Variants in NCAPD3 observed in about 807,000 individuals in gnomAD.
The protein encoded by NCAPD3 is condensin-2 complex subunit D3.
A neutral mutation model predicts 182.9 loss-of-function variants in NCAPD3; 105 were observed. The ratio of observed to expected loss-of-function variants is 0.57; its 90% CI spans 0.49 to 0.68. The LOEUF (loss-of-function observed/expected upper bound fraction) is 0.68, where lower values mean the gene tolerates loss of function less well. Ranked by LOEUF, NCAPD3 falls within the 30% of genes least tolerant of loss-of-function variation. NCAPD3 has a pLI of 0.00. For synonymous variants in NCAPD3, 815 were observed against 679.9 expected, an observed-to-expected ratio of 1.20 and a Z score of -3.09; for missense variants, 1,944 against 1,837.0, an observed-to-expected ratio of 1.06 and a Z score of -1.07.
intron 31 of NCAPD3, 130 bp from the exon 32 acceptor site, chr11:134,157,225 G>A (rs1943447223): frequency 1.6e-6 from 1 of 620,970 alleles, no homozygotes; most frequent in Non-Finnish European, 2.7e-6. Flanking sequence ...TTCTTATAAA[G>A]AGGCAATTCA....
rs955559174 is a variant in NCAPD3, at chr11:134,209,373, T to TA, written c.671dup (p.Leu224PhefsTer28). 1.2e-6 allele frequency: 2 copies of TA among 1,614,122 alleles called. No homozygotes were observed. Among genetic ancestry groups the TA allele is most frequent in the Admixed American group, 1.7e-5 (1 of 60,030 alleles). On this transcript the variant is annotated frameshift_variant, in exon 5 of 35. Coordinates refer to ENST00000534548, the MANE Select transcript of NCAPD3 (RefSeq NM_015261.3). LOFTEE classifies it high-confidence loss of function. The stretch of plus-strand genomic sequence containing the variant: ...TCAAGGAAAACTTTGGCAGAAGCCT[T>TA]AAAAAATTCTTTAAAAGGTGAAAGA...
Position 134,167,971 on chromosome 11 carries a change from G to A in NCAPD3, c.3573+25C>T, listed in dbSNP as rs183044722. 11,612 of 1,607,224 alleles carry A rather than the reference G, an allele frequency of 7.2e-3. 63 individuals are homozygous for A. Among genetic ancestry groups the A allele is most frequent in the Non-Finnish European group, 8.9e-3 (10,496 of 1,174,980 alleles). ...GCAGCACACTCACTTGTGAGAAGATGATCTTAGGGGAGCAACACACTCACT... is the reference window on the plus strand; with the variant it reads ...GCAGCACACTCACTTGTGAGAAGATAATCTTAGGGGAGCAACACACTCACT... On this transcript the variant is annotated intron_variant, in intron 27 of 34. Coordinates refer to ENST00000534548, the MANE Select transcript of NCAPD3 (RefSeq NM_015261.3).
At chr11:134,223,032 CCA>C in intron 1 of NCAPD3, 2 of 214,366 alleles carry the variant, frequency 9.3e-6, no homozygotes, top group Non-Finnish European at 1.9e-5. Flanking sequence ...AGGGAACAAT[CCA>C]AGTGTGTCCG....
chr11:134,157,118 A>G lies in NCAPD3; in HGVS notation c.4175-23T>C, dbSNP rs1374810576. Reference sequence around the variant, plus strand: ...ACACTAGAACAGAAAAGGTGCTGCTATCCAGAAATACCCCCAAACAATAAC... The same window carrying G: ...ACACTAGAACAGAAAAGGTGCTGCTGTCCAGAAATACCCCCAAACAATAAC... On this transcript the variant is annotated intron_variant, in intron 31 of 34. Coordinates refer to ENST00000534548, the MANE Select transcript of NCAPD3 (RefSeq NM_015261.3). 9 of 1,579,752 alleles carry G rather than the reference A, an allele frequency of 5.7e-6. No homozygotes were observed. In the African/African-American group the frequency reaches 6.8e-5, roughly 12 times the overall value.
At chr11:134,159,252 G>T (rs1404666843) in intron 29 of NCAPD3, among the ~76,000 whole-genome samples, 1 of 152,174 alleles carries the variant, frequency 6.6e-6, no homozygotes, top group Non-Finnish European at 1.5e-5. Context: ...CTCCATAGTG[G>T]CTGTTCTACT....
intron 27 of NCAPD3, among the ~76,000 whole-genome samples, chr11:134,166,086 G>A (rs1451470586): frequency 7.1e-5 from 3 of 42,176 alleles, no homozygotes; most frequent in Admixed American, 1.7e-4. Context: ...CTTGTGAGAT[G>A]AGCTTGGGGG....
At chr11:134,158,134 C>G (rs1943477003) in intron 30 of NCAPD3, 67 bp from the exon 31 acceptor site, 4 of 1,572,126 alleles carry the variant, frequency 2.5e-6, no homozygotes, top group African/African-American at 1.3e-5. Context: ...CAGTGCTGCA[C>G]TGTGTCCCCG....
intron 13 of NCAPD3, among the ~76,000 whole-genome samples, chr11:134,198,538 C>T (rs1944683715): frequency 6.6e-6 from 1 of 152,168 alleles, no homozygotes; most frequent in Non-Finnish European, 1.5e-5. Context: ...TGTCACGGGC[C>T]ATGGTCACTC....
intron 3 of NCAPD3, 94 bp downstream of exon 3, chr11:134,216,842 T>G (rs552245366): frequency 3.0e-6 from 4 of 1,322,982 alleles, no homozygotes; most frequent in Non-Finnish European, 4.1e-6. Flanking sequence ...GCCCCATTTA[T>G]AAGTGAAGAA....
At chr11:134,220,122 C>T (rs951134343) in intron 2 of NCAPD3, among the ~76,000 whole-genome samples, 3 of 151,994 alleles carry the variant, frequency 2.0e-5, no homozygotes, top group African/African-American at 7.2e-5. Flanking sequence ...AAGGTTAAGG[C>T]ATGTCTGAAT....
At chr11:134,193,874 C>A in intron 15 of NCAPD3, 142 bp downstream of exon 15, 1 of 707,122 alleles carries the variant, frequency 1.4e-6, no homozygotes, top group East Asian at 2.7e-5. Flanking sequence ...AAAATACCTC[C>A]TCCCTTACAT....
chr11:134,182,972 CAGT>C (rs1944328829), intron 19 of NCAPD3: 1 of 363,692 alleles, frequency 2.7e-6, no homozygotes, highest in Non-Finnish European at 5.4e-6. Flanking sequence ...TTTGCTAATG[CAGT>C]AGTAAGCCCC....
In NCAPD3 at chr11:134,152,086, A is replaced by G. The variant is rs1041654316; in HGVS notation, c.*858T>C. The stretch of plus-strand genomic sequence containing the variant: ...AAACCAACTGCATTTCTTTCTGGAT[A>G]TTGTTGAACAAAAATAGCATTCAGT... On this transcript the variant is annotated 3_prime_UTR_variant, in exon 35 of 35. Transcript: ENST00000534548. 3 of 152,268 alleles carry G rather than the reference A, an allele frequency of 2.0e-5. No homozygotes were observed. The highest frequency in any genetic ancestry group is 7.2e-5 in the African/African-American group (3 of 41,474). The allele number at this position is 152,268 out of a possible 1,614,324, so 9.4% of individuals were successfully genotyped here.
chr11:134,202,776 A>G (rs751897614), intron 13 of NCAPD3, 40 bp downstream of exon 13: 6 of 1,431,686 alleles, frequency 4.2e-6, no homozygotes, highest in Non-Finnish European at 3.8e-6. Context: ...TCTGAAATCC[A>G]GCAGTATTAC....
At chr11:134,184,789 TTAAA>T (rs904197501) in intron 18 of NCAPD3, 37 bp from the exon 19 acceptor site, 25 of 1,480,062 alleles carry the variant, frequency 1.7e-5, no homozygotes, top group Non-Finnish European at 2.3e-5. Flanking sequence ...GTTCAACTGC[TTAAA>T]TATATTCAGG....
chr11:134,203,147 G>A lies in NCAPD3; in HGVS notation c.1520C>T (p.Ser507Leu), dbSNP rs779201904. Residue 507 changes from serine (S) to leucine (L), a missense_variant, in exon 12 of 35, where the codon TCA becomes TTA. Ser to Leu is a moderately radical substitution (Grantham distance 145). Transcript: ENST00000534548. ...AAAATGTATTGATCCATTACCTGAT[G>A]AATTTCTCAGTAAGGTACCAGGGTG... ...ESHPGTLLRN[S>L]SAFSYQRQTS... 10 of 1,584,110 alleles carry A rather than the reference G, an allele frequency of 6.3e-6. No individual in the cohort carries two copies. The highest frequency in any genetic ancestry group is 8.7e-6 in the Non-Finnish European group (10 of 1,153,724).
chr11:134,160,873 T>C (rs589670), intron 28 of NCAPD3, among the ~76,000 whole-genome samples: 68,046 of 151,434 alleles, frequency 0.45, 17,976 homozygotes, highest in African/African-American at 0.75. Context: ...CCTGTGTGTG[T>C]GCTCACAAGC....
In NCAPD3 at chr11:134,184,810, TACACACACACACACAC is replaced by T. The variant is rs60568256; in HGVS notation, c.2336-74_2336-59del. ...CTGCTTAAATATATTCAGGTATATA[TACACACACACACACAC>T]ACACACACACACACACACACACACC... On this transcript the variant is annotated intron_variant, in intron 18 of 34. Coordinates refer to ENST00000534548, the MANE Select transcript of NCAPD3 (RefSeq NM_015261.3). 199 of 1,009,902 alleles carry T rather than the reference TACACACACACACACAC, an allele frequency of 2.0e-4. 1 individual carries two copies. Among genetic ancestry groups the T allele is most frequent in the South Asian group, 5.3e-4 (38 of 72,040 alleles). The allele number at this position is 1,009,902 out of a possible 1,614,324, so 62.6% of individuals were successfully genotyped here. A position where few individuals can be genotyped will look rare whatever the true frequency, so the allele number is the denominator to read the frequency against.
intron 27 of NCAPD3, among the ~76,000 whole-genome samples, chr11:134,163,421 T>A (rs1943649824): frequency 6.6e-6 from 1 of 152,004 alleles, no homozygotes; most frequent in African/African-American, 2.4e-5. Context: ...ACTGCTGGGC[T>A]GGGTGTGGTG....
Sources: allele counts gnomAD v4.1 joint callset (sites outside exome capture counted in the v4.1 genomes callset), GRCh38; gene constraint gnomAD v4.1.1; transcripts MANE v1.5; gene names NCBI Gene and HGNC (gene_info 2026-07-23, HGNC 2026-07-21).